Variants in CDIP1 observed in about 807,000 individuals in gnomAD.
CDIP1 encodes cell death-inducing p53-target protein 1.
In CDIP1, 9 loss-of-function variants were observed where a neutral mutation model predicts 17.7. The ratio of observed to expected loss-of-function variants is 0.51; its 90% CI spans 0.31 to 0.89. The LOEUF is 0.89. Among genes scored for constraint, CDIP1 ranks in the 40% least tolerant of loss-of-function variants. CDIP1 has a pLI of 0.05. For missense variants in CDIP1, 263 were observed against 277.9 expected (o/e 0.95, Z 0.38); for synonymous variants, 117 against 109.5 (o/e 1.07, Z -0.43).
intron 1 of CDIP1, among the ~76,000 whole-genome samples, chr16:4,534,612 G>A (rs1019368835): frequency 4.0e-5 from 6 of 151,658 alleles, no homozygotes; most frequent in South Asian, 2.1e-4. Flanking sequence ...TGAGAACAAC[G>A]CATGTTCATA....
At chr16:4,528,690 A>AG in intron 1 of CDIP1, among the ~76,000 whole-genome samples, 1 of 149,270 alleles carries the variant, frequency 6.7e-6, no homozygotes, top group East Asian at 2.0e-4. Context: ...TCTCAAAAAA[A>AG]AAAAAAAAAA....
chr16:4,519,609 A>G (rs1373700256), intron 1 of CDIP1, among the ~76,000 whole-genome samples: 1 of 152,198 alleles, frequency 6.6e-6, no homozygotes, highest in African/African-American at 2.4e-5. Context: ...GGACTTCCCA[A>G]GCACCACAGT....
chr16:4,525,688 AGAG>A (rs1231997317), intron 1 of CDIP1, among the ~76,000 whole-genome samples: 1 of 152,210 alleles, frequency 6.6e-6, no homozygotes, highest in Non-Finnish European at 1.5e-5. Context: ...TGAGCAGGAA[AGAG>A]GAGGCCCTCC....
intron 1 of CDIP1, among the ~76,000 whole-genome samples, chr16:4,522,826 G>C (rs2058964698): frequency 6.6e-6 from 1 of 152,190 alleles, no homozygotes; most frequent in Admixed American, 6.5e-5. Context: ...CCCCACCAAG[G>C]GTGCAGGCCT....
Position 4,512,790 on chromosome 16 carries a change from C to A in CDIP1, c.515+1G>T, listed in dbSNP as rs999372114. 5.1e-6 allele frequency: 8 copies of A among 1,582,664 alleles called. No individual in the cohort carries two copies. The highest frequency in any genetic ancestry group is 6.9e-6 in the Non-Finnish European group (8 of 1,164,010). On this transcript the variant is annotated splice_donor_variant, in intron 5 of 5. Coordinates refer to ENST00000567695, the MANE Select transcript of CDIP1 (RefSeq NM_013399.3). LOFTEE classifies it high-confidence loss of function. The surrounding 1 kb of genome is among the most constrained non-coding windows in gnomAD (Gnocchi z 4.6). ...ACCCTACCAGTGCCCACACCACCTA[C>A]CCCATGAAGCAACAGAAGAAACCCA...
At chr16:4,537,488 A>G (rs2059120435) in intron 1 of CDIP1, among the ~76,000 whole-genome samples, 1 of 152,210 alleles carries the variant, frequency 6.6e-6, no homozygotes, top group Non-Finnish European at 1.5e-5. Flanking sequence ...GAGAGCAGTA[A>G]CTTGCCCGGG....
At chr16:4,524,442 C>A (rs2058979883) in intron 1 of CDIP1, 1 of 152,370 alleles carries the variant, frequency 6.6e-6, no homozygotes, top group South Asian at 2.1e-4. Context: ...TCACTCAGGG[C>A]AAGTCCATCA....
intron 1 of CDIP1, among the ~76,000 whole-genome samples, chr16:4,534,211 A>G (rs1201890579): frequency 9.9e-6 from 1 of 101,088 alleles, no homozygotes; most frequent in Admixed American, 9.7e-5. Context: ...TCAGCCTCCC[A>G]AAGTGCTGGG....
chr16:4,535,035 T>C (rs1362443773), intron 1 of CDIP1, among the ~76,000 whole-genome samples: 3 of 152,152 alleles, frequency 2.0e-5, no homozygotes, highest in Non-Finnish European at 4.4e-5. Context: ...TAATCAGAAT[T>C]GTGACAACCA....
At chr16:4,524,327 C>T (rs1398945654) in intron 1 of CDIP1, 2 of 152,306 alleles carry the variant, frequency 1.3e-5, no homozygotes, top group African/African-American at 4.8e-5. Context: ...GGCAGAATAA[C>T]AAGATCTCAA....
rs374609894 is a variant in CDIP1, at chr16:4,528,683, C to CAAAAAAAA, written c.-105+10011_-105+10018dup. Among the ~76,000 whole-genome samples, 3 of 50,962 alleles carry CAAAAAAAA rather than the reference C, an allele frequency of 5.9e-5. 1 individual carries two copies. Among genetic ancestry groups the CAAAAAAAA allele is most frequent in the African/African-American group, 1.7e-4 (2 of 11,714 alleles). 33.4% of individuals were successfully genotyped at this position (50,962 alleles called of 152,430 possible). On this transcript the variant is annotated intron_variant, in intron 1 of 5. Coordinates refer to ENST00000567695, the MANE Select transcript of CDIP1 (RefSeq NM_013399.3). ...ACAACAGTGGGGAAGAACCCTGTCTCAAAAAAAAAAAAAAAAAAAAAAAGG... is the reference window on the plus strand; with the variant it reads ...ACAACAGTGGGGAAGAACCCTGTCTCAAAAAAAAAAAAAAAAAAAAAAAAAAAAAAAGG...
Position 4,527,158 on chromosome 16 carries a change from G to A in CDIP1, c.-105+11544C>T, listed in dbSNP as rs188233147. On this transcript the variant is annotated intron_variant, in intron 1 of 5. Coordinates refer to ENST00000567695, the MANE Select transcript of CDIP1 (RefSeq NM_013399.3). ...GCTGGAGTGCAGTGGCGGGATCTTGGCTCACTGCAAGCTCCGCCTCCTGGG... is the reference window on the plus strand; with the variant it reads ...GCTGGAGTGCAGTGGCGGGATCTTGACTCACTGCAAGCTCCGCCTCCTGGG... 1.3e-3 allele frequency among the ~76,000 whole-genome samples: 190 copies of A among 151,816 alleles called. 1 individual carries two copies. Among genetic ancestry groups the A allele is most frequent in the Middle Eastern group, 0.01 (3 of 294 alleles).
intron 1 of CDIP1, among the ~76,000 whole-genome samples, chr16:4,535,188 T>C (rs1245186315): frequency 6.6e-6 from 1 of 152,164 alleles, no homozygotes; most frequent in Non-Finnish European, 1.5e-5. Flanking sequence ...TGGGACTAGA[T>C]CTGAATTCAG....
At chr16:4,532,015 G>C (rs1469114412) in intron 1 of CDIP1, among the ~76,000 whole-genome samples, 1 of 152,224 alleles carries the variant, frequency 6.6e-6, no homozygotes, top group Admixed American at 6.5e-5. Context: ...TGAGCTAATA[G>C]GCAATTCAAG....
At chr16:4,531,193 T>C (rs968351774) in intron 1 of CDIP1, among the ~76,000 whole-genome samples, 5 of 151,800 alleles carry the variant, frequency 3.3e-5, no homozygotes, top group Admixed American at 6.6e-5. Flanking sequence ...CACACCCAGC[T>C]AGTTTTTTGT....
intron 1 of CDIP1, among the ~76,000 whole-genome samples, chr16:4,516,869 G>C (rs959413110): frequency 6.6e-6 from 1 of 151,830 alleles, no homozygotes; most frequent in African/African-American, 2.4e-5. Context: ...CACCACGACT[G>C]GCTGATTTTT....
chr16:4,523,034 C>G (rs1004576807), intron 1 of CDIP1, among the ~76,000 whole-genome samples: 1 of 152,214 alleles, frequency 6.6e-6, no homozygotes, highest in East Asian at 1.9e-4. Flanking sequence ...GGGACTGTTA[C>G]TTGCAAGGGA....
At chr16:4,520,823 A>C (rs2058938563) in intron 1 of CDIP1, among the ~76,000 whole-genome samples, 1 of 152,224 alleles carries the variant, frequency 6.6e-6, no homozygotes, top group Admixed American at 6.5e-5. Flanking sequence ...CATTTTCAAG[A>C]AAGTGTATGC....
At chr16:4,519,027 C>A (rs2013669532) in intron 1 of CDIP1, among the ~76,000 whole-genome samples, 1 of 152,128 alleles carries the variant, frequency 6.6e-6, no homozygotes, top group African/African-American at 2.4e-5. Context: ...GGCTTCTTGG[C>A]CTTCTTGCTT....
Sources: allele counts gnomAD v4.1 joint callset (sites outside exome capture counted in the v4.1 genomes callset), GRCh38; gene constraint gnomAD v4.1.1; non-coding constraint Gnocchi (gnomAD v3.1); transcripts MANE v1.5; gene names NCBI Gene and HGNC (gene_info 2026-07-23, HGNC 2026-07-21).